Variants in VPS13C observed in about 807,000 individuals in gnomAD.
The protein encoded by VPS13C is vacuolar protein sorting 13 homolog C.
VPS13C carries 358 observed loss-of-function variants against 456.8 expected under a neutral mutation model. The observed-to-expected ratio is 0.78, with a 90% CI of 0.72 to 0.86. The LOEUF is 0.86. Among genes scored for constraint, VPS13C ranks in the 40% least tolerant of loss-of-function variants. VPS13C has a pLI of 0.00. For synonymous variants in VPS13C, 1,578 were observed against 1,486.7 expected (o/e 1.06, Z -1.41); for missense variants, 4,818 against 4,385.4 (o/e 1.10, Z -2.79).
At chr15:61,954,615 T>C in intron 37 of VPS13C, 61 bp from the exon 38 acceptor site, 2 of 1,500,396 alleles carry the variant, frequency 1.3e-6, no homozygotes, top group South Asian at 1.4e-5. Flanking sequence ...AAATATTTAT[T>C]GTGGACTTAT....
intron 62 of VPS13C, among the ~76,000 whole-genome samples, chr15:61,912,269 TCTTTA>T (rs925951173): frequency 6.6e-6 from 1 of 152,222 alleles, no homozygotes; most frequent in Admixed American, 6.5e-5. Context: ...CGTCTAGCAT[TCTTTA>T]CTTTTTAAAA....
At chr15:61,890,109 T>C (rs1205491157) in intron 67 of VPS13C, 56 bp downstream of exon 67, 18 of 1,534,564 alleles carry the variant, frequency 1.2e-5, no homozygotes, top group Non-Finnish European at 1.6e-5. Flanking sequence ...AAATCGGCTA[T>C]TATGAACTTA....
chr15:62,009,124 T>A (rs1212218156), intron 13 of VPS13C, among the ~76,000 whole-genome samples: 1 of 152,182 alleles, frequency 6.6e-6, no homozygotes. Context: ...CTGTAAACTA[T>A]GATATAAAAT....
chr15:61,879,479 G>T (rs1031511541), intron 73 of VPS13C: 1 of 152,008 alleles, frequency 6.6e-6, no homozygotes, highest in African/African-American at 2.4e-5. Flanking sequence ...TGGGATCCAG[G>T]AAAGGTAACC....
intron 74 of VPS13C, among the ~76,000 whole-genome samples, chr15:61,877,560 T>C (rs980066732): frequency 2.0e-5 from 3 of 151,554 alleles, no homozygotes; most frequent in African/African-American, 7.2e-5. Context: ...CATGCGTATG[T>C]TGAATATAAC....
chr15:61,936,300 C>A (rs1164530326), intron 48 of VPS13C, among the ~76,000 whole-genome samples: 1 of 152,128 alleles, frequency 6.6e-6, no homozygotes, highest in Non-Finnish European at 1.5e-5. Flanking sequence ...GACCTTACTA[C>A]ACTGCCTATC....
At chr15:61,947,927 A>G (rs1596368938) in intron 42 of VPS13C, among the ~76,000 whole-genome samples, 1 of 152,324 alleles carries the variant, frequency 6.6e-6, no homozygotes, top group East Asian at 1.9e-4. Context: ...CATAAGAATC[A>G]CAATCAAACT....
intron 67 of VPS13C, among the ~76,000 whole-genome samples, chr15:61,886,417 C>T (rs958713048): frequency 6.6e-6 from 1 of 152,040 alleles, no homozygotes; most frequent in African/African-American, 2.4e-5. Flanking sequence ...AGATCATACA[C>T]ATTTCATTAT....
At chr15:61,970,808 G>T (rs2045523699) in intron 27 of VPS13C, among the ~76,000 whole-genome samples, 1 of 150,562 alleles carries the variant, frequency 6.6e-6, no homozygotes, top group Non-Finnish European at 1.5e-5. Context: ...TGTCTTGGGT[G>T]GTCAGATCTT....
At chr15:61,897,609 ACTAAATCTACG>A (rs1377860080) in intron 66 of VPS13C, among the ~76,000 whole-genome samples, 2 of 152,186 alleles carry the variant, frequency 1.3e-5, no homozygotes. Flanking sequence ...ATGTGAAAAG[ACTAAATCTACG>A]TCTGATTGGT....
intron 82 of VPS13C, 46 bp downstream of exon 82, chr15:61,863,394 T>C (rs755042023): frequency 1.4e-6 from 2 of 1,441,630 alleles, no homozygotes; most frequent in South Asian, 2.5e-5. Flanking sequence ...TCTTGTGACC[T>C]ATGCAACTAA....
intron 66 of VPS13C, among the ~76,000 whole-genome samples, chr15:61,904,427 T>A (rs928747150): frequency 7.1e-6 from 1 of 140,064 alleles, no homozygotes; most frequent in Non-Finnish European, 1.5e-5. Flanking sequence ...ACCAGGGAAA[T>A]ACAAGTCAAA....
At chr15:62,023,155 C>CA (rs896119927) in intron 8 of VPS13C, among the ~76,000 whole-genome samples, 21 of 151,098 alleles carry the variant, frequency 1.4e-4, no homozygotes, top group South Asian at 1.3e-3. Context: ...AAATAAAATT[C>CA]AAAAAAAATA....
At chr15:61,860,803 T>C (rs1301500642) in intron 82 of VPS13C, among the ~76,000 whole-genome samples, 1 of 152,084 alleles carries the variant, frequency 6.6e-6, no homozygotes, top group African/African-American at 2.4e-5. Flanking sequence ...AGGATATTTT[T>C]AGGGGTGATC....
At position 61,927,182 on chromosome 15, in the gene VPS13C, T is replaced by C; in HGVS notation, c.6425A>G (p.Lys2142Arg). The change falls in exon 52 of 85, where the codon AAA becomes AGA. Residue 2142 changes from lysine (K) to arginine (R), a missense_variant. Transcript: ENST00000644861. ...AGAAGCTTCCATCATCTGTTCGAGT[T>C]TGGATGTTGACAGAGAAAGGTTGCA... The part of the protein sequence containing the change: ...FQCNLSLSTS[K>R]LEQMMEASVR... 6.2e-7 allele frequency: 1 copy of C among 1,614,158 alleles called. No individual in the cohort carries two copies. Among genetic ancestry groups the C allele is most frequent in the Non-Finnish European group, 8.5e-7 (1 of 1,180,020 alleles).
At chr15:61,962,978 T>C (rs1308628084) in intron 32 of VPS13C, 126 bp from the exon 33 acceptor site, 9 of 541,982 alleles carry the variant, frequency 1.7e-5, no homozygotes, top group African/African-American at 9.7e-5. Flanking sequence ...TCCCAATGGA[T>C]AAATAAGTTG....
Position 61,858,315 on chromosome 15 carries a change from C to T in VPS13C, c.10953-1906G>A, listed in dbSNP as rs1894031223. 7.6e-6 allele frequency among the ~76,000 whole-genome samples: 1 copy of T among 132,420 alleles called. No individual in the cohort carries two copies. The highest frequency in any genetic ancestry group is 2.8e-5 in the African/African-American group (1 of 35,582). The allele number at this position is 132,420 out of a possible 152,430, so 86.9% of individuals were successfully genotyped here. On this transcript the variant is annotated intron_variant, in intron 82 of 84. Coordinates refer to ENST00000644861, the MANE Select transcript of VPS13C (RefSeq NM_020821.3). The surrounding 1 kb of genome is among the most constrained non-coding windows in gnomAD (Gnocchi z 4.4). ...CAACTCGAGATTTTTATCCAAACTC[C>T]AACTATCTATCTATCTATCTATCTA...
At chr15:61,873,554 A>G (rs1976025903) in intron 77 of VPS13C, 145 bp from the exon 78 acceptor site, 1 of 750,464 alleles carries the variant, frequency 1.3e-6, no homozygotes, top group South Asian at 2.4e-5. Flanking sequence ...ATGGCCAACA[A>G]GTATATGAAA....
rs747213098 is a variant in VPS13C, at chr15:61,917,512, TG to T, written c.7883del (p.Pro2628HisfsTer3). ...SREVRCMLQC[P>X]SVEVSFLPLI... ...GAGGTAAGAAGCTGACTTCTACTGA[TG>T]GACACTGCAACATGCATCTGACTTC... is the stretch of plus-strand genomic sequence containing the variant. On this transcript the variant is annotated frameshift_variant, in exon 60 of 85. Transcript: ENST00000644861. LOFTEE classifies it high-confidence loss of function. 1.9e-6 allele frequency: 3 copies of T among 1,614,070 alleles called. No individual in the cohort carries two copies. The highest frequency in any genetic ancestry group is 2.5e-6 in the Non-Finnish European group (3 of 1,179,932).
Sources: allele counts gnomAD v4.1 joint callset (sites outside exome capture counted in the v4.1 genomes callset), GRCh38; gene constraint gnomAD v4.1.1; non-coding constraint Gnocchi (gnomAD v3.1); transcripts MANE v1.5; gene names NCBI Gene and HGNC (gene_info 2026-07-23, HGNC 2026-07-21).